IP6K1: variants seen among roughly 807,000 people sequenced by gnomAD.
The protein encoded by IP6K1 is ATP:1D-myo-inositol-hexakisphosphate phosphotransferase.
In IP6K1, 13 loss-of-function variants were observed where a neutral mutation model predicts 38.3. The observed-to-expected ratio is 0.34, with a 90% CI of 0.22 to 0.54. IP6K1 has a LOEUF of 0.54. IP6K1 is among the 20% of genes least tolerant of loss of function. The pLI is 0.92. For synonymous variants in IP6K1, 212 were observed against 229.9 expected, an observed-to-expected ratio of 0.92 and a Z score of 0.70; for missense variants, 397 against 599.8, an observed-to-expected ratio of 0.66 and a Z score of 3.53.
intron 1 of IP6K1, among the ~76,000 whole-genome samples, chr3:49,751,430 G>T (rs544568903): frequency 6.6e-6 from 1 of 152,112 alleles, no homozygotes; most frequent in Non-Finnish European, 1.5e-5. Context: ...ACAGTGCTGG[G>T]ATTACAGGCA....
Position 49,726,888 on chromosome 3 carries a change from G to A in IP6K1, c.*234C>T. The A allele has an allele frequency of 1.9e-6, 1 of 521,424 alleles. No individual in the cohort carries two copies. Among genetic ancestry groups the A allele is most frequent in the Non-Finnish European group, 3.3e-6 (1 of 299,620 alleles). 32.3% of individuals were successfully genotyped at this position (521,424 alleles called of 1,614,324 possible). A position where few individuals can be genotyped will look rare whatever the true frequency, so the allele number is the denominator to read the frequency against. On this transcript the variant is annotated 3_prime_UTR_variant, in exon 6 of 6. Transcript: ENST00000321599. Reference sequence around the variant, plus strand: ...ACCTCTTCCTTCCTAAGGCAGCCTGGACACACCAGTCAGAGCCACAAAGCT... The same window carrying A: ...ACCTCTTCCTTCCTAAGGCAGCCTGAACACACCAGTCAGAGCCACAAAGCT...
intron 1 of IP6K1, among the ~76,000 whole-genome samples, chr3:49,762,477 G>A (rs879533073): frequency 3.3e-5 from 5 of 152,126 alleles, no homozygotes; most frequent in African/African-American, 7.2e-5. Flanking sequence ...TTGAACCCGG[G>A]AGGCAGAGGT....
intron 2 of IP6K1, among the ~76,000 whole-genome samples, chr3:49,738,795 G>A (rs942443515): frequency 6.6e-6 from 1 of 151,990 alleles, no homozygotes; most frequent in African/African-American, 2.4e-5. Context: ...CATTTCCTGT[G>A]TGTGTCCTCC....
chr3:49,732,898 T>C lies in IP6K1; in HGVS notation c.509A>G (p.Asn170Ser), dbSNP rs1463370218. The change falls in exon 4 of 6, where the codon AAC (asparagine) becomes AGC (serine). Residue 170 changes from asparagine to serine, a missense_variant. Asn to Ser is a conservative substitution (Grantham distance 46, BLOSUM62 1). Coordinates refer to ENST00000321599, the MANE Select transcript of IP6K1 (RefSeq NM_153273.4). ...SEVPFQMLDG[N>S]SGLSSEKISH... ...GATCTTCTCAGAACTCAAGCCACTG[T>C]TGCCATCTAGCATCTGGAAAGGGAC... 1 of 1,613,948 alleles carries C rather than the reference T, an allele frequency of 6.2e-7. No homozygotes were observed. The highest frequency in any genetic ancestry group is 8.5e-7 in the Non-Finnish European group (1 of 1,179,960).
At chr3:49,785,235 T>G (rs1237342701) in intron 1 of IP6K1, among the ~76,000 whole-genome samples, 1 of 151,614 alleles carries the variant, frequency 6.6e-6, no homozygotes. Flanking sequence ...GCGCCGGGCA[T>G]AGTGGCTCAC....
chr3:49,772,775 T>TA (rs1326783733), intron 1 of IP6K1, among the ~76,000 whole-genome samples: 4 of 151,930 alleles, frequency 2.6e-5, no homozygotes, highest in Non-Finnish European at 1.5e-5. Context: ...TTTTTTTTTT[T>TA]ACATAGAGAC....
intron 1 of IP6K1, among the ~76,000 whole-genome samples, chr3:49,781,516 TG>T (rs1292399737): frequency 6.6e-6 from 1 of 152,186 alleles, no homozygotes; most frequent in Non-Finnish European, 1.5e-5. Flanking sequence ...AGCTGGACTA[TG>T]GACAAGGGAA....
At chr3:49,761,522 G>C (rs1238249294) in intron 1 of IP6K1, among the ~76,000 whole-genome samples, 6 of 151,054 alleles carry the variant, frequency 4.0e-5, no homozygotes, top group African/African-American at 1.5e-4. Context: ...GCTGAGGCAG[G>C]AGAATGGCGT....
rs755823626 is a variant in IP6K1 at position 49,727,697 on chromosome 3, C to CT, written c.793-43dup. 9 of 1,585,780 alleles carry CT rather than the reference C, an allele frequency of 5.7e-6. No homozygotes were observed. Among genetic ancestry groups the CT allele is most frequent in the Non-Finnish European group, 6.9e-6 (8 of 1,163,028 alleles). ...CAGACAGGGTGAGTGCCAGGGAAGT[C>CT]TGAAGAGCTCACAGTGCCCTGGGCA... On this transcript the variant is annotated intron_variant, in intron 5 of 5. Transcript: ENST00000321599. This position sits in a 1 kb window ranked among gnomAD's most constrained non-coding sequence, Gnocchi z 5.9.
chr3:49,758,893 G>A (rs551161384), intron 1 of IP6K1, among the ~76,000 whole-genome samples: 4 of 151,940 alleles, frequency 2.6e-5, no homozygotes, highest in Admixed American at 6.6e-5. Flanking sequence ...CCCAGGAGGC[G>A]GAGGTTACAG....
intron 1 of IP6K1, among the ~76,000 whole-genome samples, chr3:49,761,509 G>A (rs1474726840): frequency 4.6e-5 from 7 of 151,134 alleles, no homozygotes; most frequent in African/African-American, 1.7e-4. Flanking sequence ...AGCTACTTGA[G>A]AGGCTGAGGC....
At chr3:49,734,587 T>C (rs1222525034) in intron 3 of IP6K1, among the ~76,000 whole-genome samples, 1 of 151,668 alleles carries the variant, frequency 6.6e-6, no homozygotes, top group East Asian at 1.9e-4. Flanking sequence ...TGTGCAACAC[T>C]GGTGAAGAGG....
chr3:49,743,970 G>A (rs545376519), intron 2 of IP6K1, among the ~76,000 whole-genome samples: 1 of 152,178 alleles, frequency 6.6e-6, no homozygotes, highest in African/African-American at 2.4e-5. Context: ...ACTGCACAAT[G>A]CGCCACAATT....
intron 4 of IP6K1, among the ~76,000 whole-genome samples, chr3:49,729,493 C>T (rs1401954868): frequency 2.0e-5 from 3 of 150,096 alleles, no homozygotes; most frequent in Non-Finnish European, 4.4e-5. Flanking sequence ...CCGCAACCTC[C>T]GCCTCCTGGT....
At chr3:49,752,231 T>TA (rs1559708721) in intron 1 of IP6K1, among the ~76,000 whole-genome samples, 1 of 151,786 alleles carries the variant, frequency 6.6e-6, no homozygotes, top group African/African-American at 2.4e-5. Flanking sequence ...CTCACGCCTG[T>TA]AATCCCAGCA....
At chr3:49,738,094 C>G (rs981535582) in intron 3 of IP6K1, 118 bp downstream of exon 3, 20 of 796,474 alleles carry the variant, frequency 2.5e-5, no homozygotes, top group Non-Finnish European at 3.7e-5. Context: ...GTGGGTATCC[C>G]AAGAACACCA....
intron 1 of IP6K1, among the ~76,000 whole-genome samples, chr3:49,750,222 T>G (rs1168036915): frequency 6.6e-6 from 1 of 152,164 alleles, no homozygotes; most frequent in African/African-American, 2.4e-5. Context: ...GTAGATTGGC[T>G]TCTGCCCTGG....
Position 49,756,625 on chromosome 3 carries a change from C to A in IP6K1, c.-128-8457G>T, listed in dbSNP as rs575319433. 2.0e-5 allele frequency among the ~76,000 whole-genome samples: 3 copies of A among 152,106 alleles called. No individual in the cohort carries two copies. The South Asian group carries it at 6.2e-4, about 32-fold the overall frequency. On this transcript the variant is annotated intron_variant, in intron 1 of 5. Transcript: ENST00000321599. ...CTGAGGTCAGGAGTTCGAGACCAGTCTGACCAACATGGAGAAACCCTGTCT... is the reference window on the plus strand; with the variant it reads ...CTGAGGTCAGGAGTTCGAGACCAGTATGACCAACATGGAGAAACCCTGTCT...
At chr3:49,768,942 G>A (rs2080933439) in intron 1 of IP6K1, among the ~76,000 whole-genome samples, 1 of 152,024 alleles carries the variant, frequency 6.6e-6, no homozygotes, top group Non-Finnish European at 1.5e-5. Flanking sequence ...TAATGCCACT[G>A]CATCATACCC....
Sources: gnomAD v4.1 joint callset for allele counts (sites outside exome capture counted in the v4.1 genomes callset) on GRCh38, gnomAD v4.1.1 for gene constraint, Gnocchi (gnomAD v3.1) non-coding constraint, MANE v1.5 for transcripts, NCBI Gene and HGNC (gene_info 2026-07-23, HGNC 2026-07-21) for gene names.